Variants in CNTN4 observed in about 807,000 individuals in gnomAD.
The protein encoded by CNTN4 is contactin-4.
Under a neutral mutation model 122.5 loss-of-function variants are expected in CNTN4, and 77 were observed. The ratio of observed to expected loss-of-function variants is 0.63; its 90% CI spans 0.52 to 0.76. The LOEUF is 0.76. Among genes scored for constraint, CNTN4 ranks in the 30% least tolerant of loss-of-function variants. CNTN4 has a pLI of 0.00. For missense variants in CNTN4, 1,256 were observed against 1,259.1 expected (o/e 1.00, Z 0.04); for synonymous variants, 512 against 447.0 (o/e 1.15, Z -1.83).
intron 3 of CNTN4, among the ~76,000 whole-genome samples, chr3:2,423,378 C>T (rs1276939987): frequency 3.3e-5 from 5 of 152,018 alleles, no homozygotes; most frequent in African/African-American, 7.3e-5. Context: ...GTGTACCTGT[C>T]AGTTTAGTGC....
At chr3:2,675,338 A>G (rs1202679336) in intron 4 of CNTN4, among the ~76,000 whole-genome samples, 3 of 151,932 alleles carry the variant, frequency 2.0e-5, no homozygotes, top group Non-Finnish European at 2.9e-5. Flanking sequence ...CTCTTTCTGG[A>G]ATTATTTTCC....
intron 2 of CNTN4, among the ~76,000 whole-genome samples, chr3:2,137,512 G>T (rs1164594646): frequency 6.6e-6 from 1 of 152,112 alleles, no homozygotes. Context: ...GGATTAGAAA[G>T]ATGCTTTATT....
rs17010994 is a variant in CNTN4 at position 2,238,131 on chromosome 3, G to A, written c.-144-101047G>A. On this transcript the variant is annotated intron_variant, in intron 2 of 24. Transcript: ENST00000418658. ...TTCACTTTTTAAATTTGCAGGCTAT[G>A]AACAATTGAATTTGAGGAATAACGT... Among the ~76,000 whole-genome samples, 963 of 152,042 alleles carry A rather than the reference G, an allele frequency of 6.3e-3. 17 individuals carry two copies. Among genetic ancestry groups the A allele is most frequent in the African/African-American group, 0.022 (915 of 41,506 alleles).
chr3:2,432,539 G>A (rs2048111343), intron 3 of CNTN4, among the ~76,000 whole-genome samples: 1 of 152,012 alleles, frequency 6.6e-6, no homozygotes, highest in South Asian at 2.1e-4. Flanking sequence ...AGATATGACA[G>A]CATTTCTCCC....
At chr3:2,125,791 C>T (rs535608974) in intron 2 of CNTN4, among the ~76,000 whole-genome samples, 3 of 151,700 alleles carry the variant, frequency 2.0e-5, no homozygotes, top group Non-Finnish European at 2.9e-5. Context: ...CTCCTGACCT[C>T]GTGATCCGCC....
intron 7 of CNTN4, among the ~76,000 whole-genome samples, chr3:2,838,090 C>T (rs903693588): frequency 3.3e-5 from 5 of 152,122 alleles, no homozygotes; most frequent in Non-Finnish European, 4.4e-5. Flanking sequence ...AGTTTTGTGA[C>T]CATGAGCAGT....
At chr3:2,656,657 C>A (rs976421417) in intron 4 of CNTN4, among the ~76,000 whole-genome samples, 1 of 152,210 alleles carries the variant, frequency 6.6e-6, no homozygotes, top group Non-Finnish European at 1.5e-5. Context: ...GAGGTCAAGT[C>A]TCAAAAGGGA....
intron 4 of CNTN4, among the ~76,000 whole-genome samples, chr3:2,581,496 G>A (rs1173049968): frequency 6.6e-6 from 1 of 152,120 alleles, no homozygotes; most frequent in East Asian, 1.9e-4. Flanking sequence ...AACAAAGCTG[G>A]ACTCTAGATG....
chr3:2,370,167 C>T (rs1356523807), intron 3 of CNTN4, among the ~76,000 whole-genome samples: 1 of 152,096 alleles, frequency 6.6e-6, no homozygotes, highest in Non-Finnish European at 1.5e-5. Flanking sequence ...AGCCTGAGGC[C>T]AGCAGAGAGC....
intron 3 of CNTN4, among the ~76,000 whole-genome samples, chr3:2,399,538 C>CT (rs1185820932): frequency 6.6e-6 from 1 of 151,914 alleles, no homozygotes; most frequent in Non-Finnish European, 1.5e-5. Context: ...CATAAGTTCT[C>CT]TGAGTCTCTG....
At chr3:2,543,936 G>A (rs549440630) in intron 3 of CNTN4, among the ~76,000 whole-genome samples, 1 of 152,212 alleles carries the variant, frequency 6.6e-6, no homozygotes, top group South Asian at 2.1e-4. Context: ...TGAAGGTAAG[G>A]AAGCGACAAG....
intron 3 of CNTN4, among the ~76,000 whole-genome samples, chr3:2,399,160 C>T (rs1421895093): frequency 6.6e-6 from 1 of 152,030 alleles, no homozygotes; most frequent in East Asian, 1.9e-4. Flanking sequence ...TGGCTTTCCC[C>T]ACCCAATATC....
At chr3:2,551,014 A>T (rs762393164) in intron 3 of CNTN4, among the ~76,000 whole-genome samples, 32 of 152,102 alleles carry the variant, frequency 2.1e-4, no homozygotes, top group Non-Finnish European at 4.4e-4. Flanking sequence ...TGACAGGTTG[A>T]TGAGTGCAGC....
intron 2 of CNTN4, among the ~76,000 whole-genome samples, chr3:2,257,845 C>A (rs903861774): frequency 6.6e-6 from 1 of 152,064 alleles, no homozygotes; most frequent in Non-Finnish European, 1.5e-5. Context: ...GGGCCGATCA[C>A]GAGGTCAGGA....
intron 2 of CNTN4, among the ~76,000 whole-genome samples, chr3:2,253,589 AATCTC>A (rs1171049710): frequency 2.0e-5 from 3 of 151,918 alleles, no homozygotes; most frequent in African/African-American, 7.3e-5. Context: ...TACTACTACT[AATCTC>A]ATCTTTATTG....
intron 7 of CNTN4, among the ~76,000 whole-genome samples, chr3:2,830,205 G>A (rs1023953314): frequency 6.6e-6 from 1 of 152,126 alleles, no homozygotes; most frequent in African/African-American, 2.4e-5. Flanking sequence ...TAGTTTGTGT[G>A]TACTTTAATG....
chr3:2,625,686 T>C (rs1053768965), intron 4 of CNTN4, among the ~76,000 whole-genome samples: 2 of 152,338 alleles, frequency 1.3e-5, no homozygotes, highest in Middle Eastern at 3.4e-3. Context: ...TTTTCACTTT[T>C]CCATCATTAT....
chr3:3,005,388 G>C (rs1696514225), intron 14 of CNTN4, among the ~76,000 whole-genome samples: 1 of 152,116 alleles, frequency 6.6e-6, no homozygotes, highest in African/African-American at 2.4e-5. Context: ...CAGTCAGGAG[G>C]AACCAAGCTA....
intron 4 of CNTN4, among the ~76,000 whole-genome samples, chr3:2,641,307 A>G (rs997546335): frequency 4.6e-5 from 7 of 152,226 alleles, no homozygotes; most frequent in African/African-American, 1.7e-4. Context: ...ATTTGAAATG[A>G]TTGGTGTACA....
Sources: gnomAD v4.1 joint callset for allele counts (sites outside exome capture counted in the v4.1 genomes callset) on GRCh38, gnomAD v4.1.1 for gene constraint, MANE v1.5 for transcripts, NCBI Gene and HGNC (gene_info 2026-07-23, HGNC 2026-07-21) for gene names.